The following NTRK2 variants were observed in gnomAD, a reference collection of about 807,000 sequenced individuals.
NTRK2 encodes BDNF/NT-3 growth factors receptor.
NTRK2 carries 13 observed loss-of-function variants against 94.5 expected under a neutral mutation model. The observed-to-expected ratio is 0.14, with a 90% CI of 0.09 to 0.22. The LOEUF (loss-of-function observed/expected upper bound fraction) is 0.22. Ranked by LOEUF, NTRK2 falls within the 10% of genes least tolerant of loss-of-function variation. The pLI is 1.00. For synonymous variants in NTRK2, 372 were observed against 407.4 expected, an observed-to-expected ratio of 0.91 and a Z score of 1.05; for missense variants, 639 against 1,071.2, an observed-to-expected ratio of 0.60 and a Z score of 5.63.
chr9:84,684,800 C>T (rs35085611), intron 2 of NTRK2, among the ~76,000 whole-genome samples: 4,223 of 151,890 alleles, frequency 0.028, 74 homozygotes, highest in Admixed American at 0.044. Context: ...ATTTTTTTTC[C>T]GTGAACTTAG....
At chr9:84,993,064 T>C (rs1829297717) in intron 17 of NTRK2, among the ~76,000 whole-genome samples, 1 of 152,070 alleles carries the variant, frequency 6.6e-6, no homozygotes, top group African/African-American at 2.4e-5. Context: ...TAAATGTTCT[T>C]TTCTTGGCTC....
At chr9:84,705,032 G>A (rs1169341552) in intron 4 of NTRK2, among the ~76,000 whole-genome samples, 1 of 152,054 alleles carries the variant, frequency 6.6e-6, no homozygotes, top group African/African-American at 2.4e-5. Context: ...GTGCAAGGGA[G>A]CTGATAACAA....
intron 14 of NTRK2, among the ~76,000 whole-genome samples, chr9:84,933,886 T>TA (rs1188513719): frequency 6.6e-6 from 1 of 152,238 alleles, no homozygotes; most frequent in East Asian, 1.9e-4. Flanking sequence ...TTTTTTACTC[T>TA]ATAAAGTTTA....
At chr9:84,914,787 G>C (rs1369272902) in intron 14 of NTRK2, among the ~76,000 whole-genome samples, 1 of 152,078 alleles carries the variant, frequency 6.6e-6, no homozygotes, top group East Asian at 1.9e-4. Context: ...TCCAATTTGG[G>C]GACATACGAA....
chr9:84,735,312 C>G (rs1468560030), intron 9 of NTRK2, among the ~76,000 whole-genome samples: 1 of 152,124 alleles, frequency 6.6e-6, no homozygotes, highest in African/African-American at 2.4e-5. Flanking sequence ...ATGCACATAC[C>G]AAACTCCTGG....
chr9:84,673,435 A>C (rs1221864750), intron 2 of NTRK2, among the ~76,000 whole-genome samples: 1 of 152,186 alleles, frequency 6.6e-6, no homozygotes, highest in Non-Finnish European at 1.5e-5. Flanking sequence ...TCCTAAAATA[A>C]CCTGTTGTAA....
chr9:84,888,456 C>CA (rs935892617), intron 14 of NTRK2, among the ~76,000 whole-genome samples: 3 of 150,528 alleles, frequency 2.0e-5, no homozygotes, highest in Non-Finnish European at 4.4e-5. Flanking sequence ...TAAAAATACA[C>CA]AAAAAAATTA....
intron 14 of NTRK2, among the ~76,000 whole-genome samples, chr9:84,901,572 A>G (rs1231358734): frequency 2.0e-5 from 3 of 152,226 alleles, no homozygotes; most frequent in Non-Finnish European, 4.4e-5. Context: ...GTCCAATAAA[A>G]TAAGAGCAAA....
intron 2 of NTRK2, among the ~76,000 whole-genome samples, chr9:84,687,510 A>T (rs1204647934): frequency 1.3e-5 from 2 of 152,112 alleles, no homozygotes; most frequent in Non-Finnish European, 2.9e-5. Context: ...TGGTGTCTTG[A>T]GGGTACTATA....
At chr9:84,882,276 G>A (rs1230380477) in intron 14 of NTRK2, among the ~76,000 whole-genome samples, 2 of 152,038 alleles carry the variant, frequency 1.3e-5, no homozygotes, top group South Asian at 2.1e-4. Flanking sequence ...TGATGAGATG[G>A]GTATCTGCAA....
At chr9:84,924,237 AAGAAAGAAAG>A (rs1487175342) in intron 14 of NTRK2, among the ~76,000 whole-genome samples, 1 of 81,440 alleles carries the variant, frequency 1.2e-5, no homozygotes, top group African/African-American at 4.9e-5. Flanking sequence ...AGTAGAAAGA[AAGAAAGAAAG>A]AAAGAAAGAA....
Position 84,670,884 on chromosome 9 carries a change from A to C in NTRK2, c.136A>C (p.Ser46Arg), listed in dbSNP as rs1211901247. 6.2e-7 allele frequency: 1 copy of C among 1,613,188 alleles called. No individual in the cohort carries two copies. Among genetic ancestry groups the C allele is most frequent in the African/African-American group, 1.3e-5 (1 of 74,940 alleles). ...CKCSASRIWC[S>R]DPSPGIVAFP... Reference sequence around the variant, plus strand: ...ATGCAGTGCCTCTCGGATCTGGTGCAGCGACCCTTCTCCTGGCATCGTGGC... The same window carrying C: ...ATGCAGTGCCTCTCGGATCTGGTGCCGCGACCCTTCTCCTGGCATCGTGGC... Residue 46 changes from serine to arginine, a missense_variant, in exon 2 of 19, where the codon AGC becomes CGC. Physicochemically the swap from Ser to Arg is moderately radical, Grantham distance 110 (BLOSUM62 -1). Coordinates refer to ENST00000277120, the MANE Select transcript of NTRK2 (RefSeq NM_006180.6).
At chr9:84,788,963 C>A (rs1030600671) in intron 12 of NTRK2, among the ~76,000 whole-genome samples, 1 of 152,140 alleles carries the variant, frequency 6.6e-6, no homozygotes, top group African/African-American at 2.4e-5. Flanking sequence ...GCGTGCTCAC[C>A]AGAGCCAAAG....
chr9:84,859,235 TGGAG>T (rs1172225838), intron 12 of NTRK2, among the ~76,000 whole-genome samples: 1 of 152,156 alleles, frequency 6.6e-6, no homozygotes, highest in African/African-American at 2.4e-5. Flanking sequence ...CCCAGTTAGG[TGGAG>T]CCACACCAAT....
intron 9 of NTRK2, among the ~76,000 whole-genome samples, chr9:84,735,001 A>C (rs1335083474): frequency 6.6e-6 from 1 of 152,048 alleles, no homozygotes; most frequent in African/African-American, 2.4e-5. Context: ...TTGGGGACAA[A>C]ACCAATCTCC....
Position 84,678,428 on chromosome 9 carries a change from A to G in NTRK2, c.212+7468A>G, listed in dbSNP as rs144804379. 4.0e-3 allele frequency among the ~76,000 whole-genome samples: 606 copies of G among 152,344 alleles called. 7 individuals carry two copies. Among genetic ancestry groups the G allele is most frequent in the African/African-American group, 0.013 (557 of 41,574 alleles). On this transcript the variant is annotated intron_variant, in intron 2 of 18. Coordinates refer to ENST00000277120, the MANE Select transcript of NTRK2 (RefSeq NM_006180.6). ...GAATTTTGGTTTCAACCTCTGCAAT[A>G]TAGTGCAATTTAAAAAGAAAGGATC...
rs1389911087 is a variant in NTRK2, at chr9:85,021,807, G to GT, written c.*371dup. On this transcript the variant is annotated 3_prime_UTR_variant, in exon 19 of 19. Coordinates refer to ENST00000277120, the MANE Select transcript of NTRK2 (RefSeq NM_006180.6). ...TGCATAGACAAAGGCCTTAACAAAC[G>GT]TAATTTGTTATATCAGCAGACACTC... 1.9e-5 allele frequency: 6 copies of GT among 312,312 alleles called. No individual in the cohort carries two copies. In the East Asian group the frequency reaches 3.0e-4, roughly 15 times the overall value. The allele number at this position is 312,312 out of a possible 1,614,324, so 19.3% of individuals were successfully genotyped here.
At chr9:84,882,212 A>G (rs1285190926) in intron 14 of NTRK2, among the ~76,000 whole-genome samples, 3 of 150,560 alleles carry the variant, frequency 2.0e-5, no homozygotes, top group African/African-American at 7.4e-5. Context: ...ACACACACAC[A>G]CTGACCCACA....
intron 17 of NTRK2, among the ~76,000 whole-genome samples, chr9:84,957,052 A>G (rs1824225251): frequency 2.0e-5 from 3 of 152,046 alleles, no homozygotes; most frequent in African/African-American, 7.2e-5. Flanking sequence ...GACTTTACCT[A>G]CCAGAGATGG....
Sources: gnomAD v4.1 joint callset for allele counts (sites outside exome capture counted in the v4.1 genomes callset) on GRCh38, gnomAD v4.1.1 for gene constraint, MANE v1.5 for transcripts, NCBI Gene and HGNC (gene_info 2026-07-23, HGNC 2026-07-21) for gene names.